SREK1IP1: variants seen among roughly 807,000 people sequenced by gnomAD.
The protein encoded by SREK1IP1 is SREK1 interacting protein 1.
Under a neutral mutation model 22.8 loss-of-function variants are expected in SREK1IP1, and 12 were observed. That is an observed-to-expected ratio of 0.53 (90% CI 0.34 to 0.85). SREK1IP1 has a LOEUF of 0.85. Ranked by LOEUF, SREK1IP1 falls within the 40% of genes least tolerant of loss-of-function variation. The pLI is 0.02. For missense variants in SREK1IP1, 147 were observed against 171.8 expected, an observed-to-expected ratio of 0.86 and a Z score of 0.81; for synonymous variants, 53 against 52.7, an observed-to-expected ratio of 1.01 and a Z score of -0.02.
chr5:64,755,852 T>TAC (rs1383949640), intron 1 of SREK1IP1, among the ~76,000 whole-genome samples: 1 of 151,908 alleles, frequency 6.6e-6, no homozygotes, highest in Non-Finnish European at 1.5e-5. Flanking sequence ...TGTATATATA[T>TAC]ACACACACAT....
chr5:64,742,552 G>A (rs1742568988), intron 2 of SREK1IP1, among the ~76,000 whole-genome samples: 1 of 152,154 alleles, frequency 6.6e-6, no homozygotes, highest in Non-Finnish European at 1.5e-5. Flanking sequence ...CTATGCTAGG[G>A]GTTGTTTCCA....
chr5:64,755,960 A>G (rs1028800260), intron 1 of SREK1IP1, among the ~76,000 whole-genome samples: 9 of 152,114 alleles, frequency 5.9e-5, no homozygotes, highest in African/African-American at 1.9e-4. Flanking sequence ...AACATTTACT[A>G]TAATTGCTAG....
chr5:64,745,038 GA>G (rs1224445232), intron 2 of SREK1IP1, among the ~76,000 whole-genome samples: 1 of 152,154 alleles, frequency 6.6e-6, no homozygotes, highest in Non-Finnish European at 1.5e-5. Context: ...CCCAGGGCTT[GA>G]AAGTGTCACT....
chr5:64,761,313 C>A (rs372806451), intron 1 of SREK1IP1, among the ~76,000 whole-genome samples: 2 of 152,122 alleles, frequency 1.3e-5, no homozygotes, highest in Non-Finnish European at 2.9e-5. Context: ...AGGTGCTCAA[C>A]AAATACTTAT....
At chr5:64,735,959 T>C (rs1742454982) in intron 3 of SREK1IP1, among the ~76,000 whole-genome samples, 1 of 152,198 alleles carries the variant, frequency 6.6e-6, no homozygotes, top group African/African-American at 2.4e-5. Context: ...AGTCATAGAT[T>C]TGAGACATTT....
At chr5:64,737,812 T>C (rs1561385837) in intron 3 of SREK1IP1, among the ~76,000 whole-genome samples, 1 of 152,252 alleles carries the variant, frequency 6.6e-6, no homozygotes, top group African/African-American at 2.4e-5. Context: ...AACATTTATA[T>C]GTCAACAAAT....
intron 2 of SREK1IP1, among the ~76,000 whole-genome samples, chr5:64,742,095 A>G (rs892978949): frequency 6.6e-6 from 1 of 152,054 alleles, no homozygotes; most frequent in African/African-American, 2.4e-5. Flanking sequence ...AATTATACCT[A>G]TACCTGCAAT....
At chr5:64,730,290 G>A (rs1331719813) in intron 3 of SREK1IP1, among the ~76,000 whole-genome samples, 1 of 152,162 alleles carries the variant, frequency 6.6e-6, no homozygotes, top group African/African-American at 2.4e-5. Context: ...ACCTTGACAA[G>A]TGGACTGAAA....
chr5:64,730,701 G>A (rs1434117557), intron 3 of SREK1IP1, among the ~76,000 whole-genome samples: 1 of 152,124 alleles, frequency 6.6e-6, no homozygotes, highest in Non-Finnish European at 1.5e-5. Flanking sequence ...GAAGGAGGAA[G>A]GGAGAAGTGG....
chr5:64,737,264 G>A (rs1472140952), intron 3 of SREK1IP1, among the ~76,000 whole-genome samples: 1 of 151,770 alleles, frequency 6.6e-6, no homozygotes, highest in South Asian at 2.1e-4. Context: ...GTATGAAAAT[G>A]TAAATCAGTA....
At chr5:64,752,352 C>T (rs1278631167) in intron 2 of SREK1IP1, among the ~76,000 whole-genome samples, 1 of 151,798 alleles carries the variant, frequency 6.6e-6, no homozygotes, top group African/African-American at 2.4e-5. Context: ...GGGGTTTCAT[C>T]GGGTTACCTA....
At chr5:64,760,362 G>A (rs1186660573) in intron 1 of SREK1IP1, among the ~76,000 whole-genome samples, 2 of 152,228 alleles carry the variant, frequency 1.3e-5, no homozygotes, top group Non-Finnish European at 2.9e-5. Flanking sequence ...CAGCCAGAAA[G>A]AACAGACAAT....
chr5:64,728,034 A>G (rs1298569070), intron 4 of SREK1IP1, 73 bp downstream of exon 4: 1 of 1,128,494 alleles, frequency 8.9e-7, no homozygotes, highest in Non-Finnish European at 1.1e-6. Flanking sequence ...ATTATACACA[A>G]AAAATAAAAT....
At position 64,731,332 on chromosome 5, in the gene SREK1IP1, A is replaced by G. The variant is rs561387950; in HGVS notation, c.206-3153T>C. On this transcript the variant is annotated intron_variant, in intron 3 of 4. Coordinates refer to ENST00000513458, the MANE Select transcript of SREK1IP1 (RefSeq NM_173829.4). The stretch of plus-strand genomic sequence containing the variant: ...AGTTCGAAACCAGCCTGGTCAACAT[A>G]GTGACATCATGTCTTTATAAAAGAA... 3.4e-4 allele frequency among the ~76,000 whole-genome samples: 51 copies of G among 152,018 alleles called. 1 individual carries two copies. The highest frequency in any genetic ancestry group is 3.4e-3 in the Middle Eastern group (1 of 294).
chr5:64,725,786 C>T (rs1360396228), intron 4 of SREK1IP1, among the ~76,000 whole-genome samples: 1 of 150,112 alleles, frequency 6.7e-6, no homozygotes, highest in African/African-American at 2.4e-5. Flanking sequence ...CCTCTGGATT[C>T]TGACTAAAGC....
intron 2 of SREK1IP1, among the ~76,000 whole-genome samples, chr5:64,750,483 C>G (rs139008913): frequency 1.2e-3 from 184 of 152,328 alleles, no homozygotes; most frequent in African/African-American, 3.5e-3. Flanking sequence ...ACCACTCCCC[C>G]ACCACCTCAC....
chr5:64,761,875 A>G (rs1742957375), intron 1 of SREK1IP1, among the ~76,000 whole-genome samples: 1 of 134,008 alleles, frequency 7.5e-6, no homozygotes, highest in East Asian at 2.7e-4. Context: ...AGTTAGCACA[A>G]AAGAAAAAAA....
At position 64,738,402 on chromosome 5, in the gene SREK1IP1, C is replaced by T. The variant is rs114680725; in HGVS notation, c.205+2655G>A. Among the ~76,000 whole-genome samples the T allele has an allele frequency of 1.1e-3, 173 of 152,216 alleles. 1 individual carries two copies. The highest frequency in any genetic ancestry group is 4.1e-3 in the African/African-American group (169 of 41,544). ...GATTGAAAGAATATTGTTAAAATGC[C>T]TACATTATCTAAAGCAATCTATGAA... On this transcript the variant is annotated intron_variant, in intron 3 of 4. Coordinates refer to ENST00000513458, the MANE Select transcript of SREK1IP1 (RefSeq NM_173829.4).
Position 64,724,114 on chromosome 5 carries a change from G to A in SREK1IP1, c.*270C>T. The A allele has an allele frequency of 4.0e-6, 1 of 252,704 alleles. No homozygotes were observed. 15.7% of individuals were successfully genotyped at this position (252,704 alleles called of 1,614,324 possible). A position where few individuals can be genotyped will look rare whatever the true frequency, so the allele number is the denominator to read the frequency against. ...AGTAGTAACACTAGCCAAACACACA[G>A]AGACACAAATACCAAAAATGATGTG... is the stretch of plus-strand genomic sequence containing the variant. On this transcript the variant is annotated 3_prime_UTR_variant, in exon 5 of 5. Coordinates refer to ENST00000513458, the MANE Select transcript of SREK1IP1 (RefSeq NM_173829.4).
Sources: gnomAD v4.1 joint callset for allele counts (sites outside exome capture counted in the v4.1 genomes callset) on GRCh38, gnomAD v4.1.1 for gene constraint, MANE v1.5 for transcripts, NCBI Gene and HGNC (gene_info 2026-07-23, HGNC 2026-07-21) for gene names.